TMEM163: variants seen among roughly 807,000 people sequenced by gnomAD.
The protein encoded by TMEM163 is transmembrane protein 163.
A neutral mutation model predicts 29.3 loss-of-function variants in TMEM163; 17 were observed. The observed-to-expected ratio is 0.58, with a 90% CI of 0.40 to 0.87. The LOEUF (loss-of-function observed/expected upper bound fraction) is 0.87, where lower values mean the gene tolerates loss of function less well. Among genes scored for constraint, TMEM163 ranks in the 40% least tolerant of loss-of-function variants. The pLI, the probability that TMEM163 is intolerant of heterozygous loss-of-function variation, is 0.00. For synonymous variants in TMEM163, 157 were observed against 160.6 expected (o/e 0.98, Z 0.17); for missense variants, 303 against 381.5 (o/e 0.79, Z 1.71).
intron 4 of TMEM163, among the ~76,000 whole-genome samples, chr2:134,503,760 G>C (rs1258826976): frequency 1.3e-5 from 2 of 152,154 alleles, no homozygotes; most frequent in African/African-American, 2.4e-5. Context: ...CAAGGGTGAA[G>C]TGAGAGGACA....
intron 4 of TMEM163, among the ~76,000 whole-genome samples, chr2:134,512,603 C>T (rs1679975378): frequency 2.0e-5 from 3 of 152,206 alleles, no homozygotes; most frequent in Non-Finnish European, 4.4e-5. Context: ...ATTCATCCCG[C>T]ACATTTCCAC....
At chr2:134,513,007 AATG>A (rs1181384208) in intron 4 of TMEM163, among the ~76,000 whole-genome samples, 1 of 152,184 alleles carries the variant, frequency 6.6e-6, no homozygotes, top group East Asian at 1.9e-4. Flanking sequence ...GGATGTGGCA[AATG>A]ATGATATGGA....
chr2:134,718,436 T>A (rs1685084928), intron 1 of TMEM163, among the ~76,000 whole-genome samples: 1 of 152,200 alleles, frequency 6.6e-6, no homozygotes, highest in African/African-American at 2.4e-5. Flanking sequence ...CCGCAAACTT[T>A]TCCCGTGGGC....
intron 5 of TMEM163, among the ~76,000 whole-genome samples, chr2:134,477,857 A>G (rs1298719434): frequency 1.3e-5 from 2 of 152,200 alleles, no homozygotes; most frequent in Non-Finnish European, 2.9e-5. Context: ...TGTGGAATGG[A>G]CAGGTTTGTT....
intron 2 of TMEM163, among the ~76,000 whole-genome samples, chr2:134,561,705 A>G (rs905946416): frequency 6.6e-6 from 1 of 152,182 alleles, no homozygotes; most frequent in African/African-American, 2.4e-5. Flanking sequence ...ATGCCAGCAG[A>G]GCTATCAAGT....
intron 2 of TMEM163, among the ~76,000 whole-genome samples, chr2:134,558,901 G>T (rs1681106948): frequency 6.6e-6 from 1 of 152,166 alleles, no homozygotes; most frequent in South Asian, 2.1e-4. Flanking sequence ...ACTTTAATTG[G>T]ACAGCCTCTA....
At chr2:134,492,521 C>A (rs972346907) in intron 5 of TMEM163, among the ~76,000 whole-genome samples, 1 of 152,202 alleles carries the variant, frequency 6.6e-6, no homozygotes, top group Non-Finnish European at 1.5e-5. Flanking sequence ...CTCCCTCCAC[C>A]TCTAGCCTCA....
chr2:134,604,450 A>C (rs1163026572), intron 2 of TMEM163, among the ~76,000 whole-genome samples: 2 of 151,950 alleles, frequency 1.3e-5, no homozygotes, highest in East Asian at 3.9e-4. Flanking sequence ...AAAAAAAAAA[A>C]ACCTCAAAAT....
At chr2:134,587,130 G>A (rs963180358) in intron 2 of TMEM163, among the ~76,000 whole-genome samples, 1 of 152,202 alleles carries the variant, frequency 6.6e-6, no homozygotes, top group African/African-American at 2.4e-5. Flanking sequence ...CCACCCCTTG[G>A]CAGGGCATAG....
intron 2 of TMEM163, among the ~76,000 whole-genome samples, chr2:134,589,005 T>C (rs1681881781): frequency 6.6e-6 from 1 of 152,162 alleles, no homozygotes; most frequent in Non-Finnish European, 1.5e-5. Context: ...AAAAAGTTTA[T>C]TGTCCAGCAA....
At chr2:134,493,356 T>C (rs1022173155) in intron 5 of TMEM163, among the ~76,000 whole-genome samples, 2 of 144,496 alleles carry the variant, frequency 1.4e-5, no homozygotes, top group East Asian at 2.2e-4. Context: ...TTCAAGCTTT[T>C]GGTGTCTTTT....
At chr2:134,491,326 C>G (rs1679425752) in intron 5 of TMEM163, among the ~76,000 whole-genome samples, 1 of 152,174 alleles carries the variant, frequency 6.6e-6, no homozygotes, top group Non-Finnish European at 1.5e-5. Flanking sequence ...CCCAGCACCC[C>G]CTAGGATAAG....
chr2:134,511,648 T>G (rs1179433580), intron 4 of TMEM163, among the ~76,000 whole-genome samples: 1 of 152,214 alleles, frequency 6.6e-6, no homozygotes, highest in African/African-American at 2.4e-5. Context: ...CAAGGCAGAC[T>G]GGCCGGAATT....
At chr2:134,604,907 C>T (rs148237905) in intron 2 of TMEM163, among the ~76,000 whole-genome samples, 488 of 152,266 alleles carry the variant, frequency 3.2e-3, no homozygotes, top group African/African-American at 0.011. Flanking sequence ...TGGCCAGGTG[C>T]GGTGGCTCAC....
intron 2 of TMEM163, among the ~76,000 whole-genome samples, chr2:134,577,445 T>C (rs1432728889): frequency 6.6e-6 from 1 of 152,056 alleles, no homozygotes; most frequent in Non-Finnish European, 1.5e-5. Context: ...GCATCAGAAA[T>C]ACACAAGGGT....
At chr2:134,675,695 T>C (rs775820874) in intron 2 of TMEM163, among the ~76,000 whole-genome samples, 7 of 152,248 alleles carry the variant, frequency 4.6e-5, no homozygotes, top group Non-Finnish European at 1.0e-4. Context: ...CACAAGTTAC[T>C]GTTGCAAATT....
At chr2:134,574,541 CAA>C (rs556086498) in intron 2 of TMEM163, among the ~76,000 whole-genome samples, 120 of 152,224 alleles carry the variant, frequency 7.9e-4, no homozygotes, top group African/African-American at 2.6e-3. Context: ...GCCTGGGCAA[CAA>C]GAGAGAAACC....
chr2:134,673,139 G>A (rs6745983), intron 2 of TMEM163, among the ~76,000 whole-genome samples: 82,217 of 151,898 alleles, frequency 0.54, 23,299 homozygotes, highest in African/African-American at 0.63. Context: ...CATGCCTAAA[G>A]TTTTACATAC....
chr2:134,629,245 C>T (rs1403969927), intron 2 of TMEM163, among the ~76,000 whole-genome samples: 4 of 152,170 alleles, frequency 2.6e-5, no homozygotes, highest in African/African-American at 4.8e-5. Flanking sequence ...CTTGTCTCAG[C>T]GCCAGCACTC....
Sources: gnomAD v4.1 joint callset for allele counts (sites outside exome capture counted in the v4.1 genomes callset) on GRCh38, gnomAD v4.1.1 for gene constraint, MANE v1.5 for transcripts, NCBI Gene and HGNC (gene_info 2026-07-23, HGNC 2026-07-21) for gene names.